Variants in FLI1 observed in about 807,000 individuals in gnomAD.
The protein encoded by FLI1 is Fli-1 proto-oncogene, ETS transcription factor.
In FLI1, 13 loss-of-function variants were observed where a neutral mutation model predicts 53.1. The ratio of observed to expected loss-of-function variants is 0.24; its 90% CI spans 0.16 to 0.39. The LOEUF is 0.39. Ranked by LOEUF, FLI1 falls within the 10% of genes least tolerant of loss-of-function variation. The probability of loss-of-function intolerance (pLI) is 1.00; values close to 1 mark genes in which losing one functional copy is unlikely to be tolerated. For missense variants in FLI1, 424 were observed against 600.5 expected (o/e 0.71, Z 3.07); for synonymous variants, 244 against 236.7 (o/e 1.03, Z -0.28).
intron 2 of FLI1, 115 bp downstream of exon 2, chr11:128,758,441 A>G: frequency 2.4e-6 from 2 of 819,084 alleles, no homozygotes; most frequent in East Asian, 2.7e-5. Flanking sequence ...GAGCTGGGCC[A>G]GGAAGCCTGT....
At chr11:128,686,363 A>G (rs749882406), upstream of FLI1, 4 of 456,130 alleles carry the variant, frequency 8.8e-6, no homozygotes, top group South Asian at 6.2e-5. Context: ...CGGGCAGGGG[A>G]GAGTAAAAGG....
intron 1 of FLI1, among the ~76,000 whole-genome samples, chr11:128,688,690 G>A (rs1937628283): frequency 6.6e-6 from 1 of 152,152 alleles, no homozygotes; most frequent in Admixed American, 6.5e-5. Flanking sequence ...GAGAGGTAAA[G>A]GAGGTAATTG....
At chr11:128,716,334 G>A (rs866410342) in intron 1 of FLI1, among the ~76,000 whole-genome samples, 3 of 152,182 alleles carry the variant, frequency 2.0e-5, no homozygotes, top group Non-Finnish European at 4.4e-5. Flanking sequence ...CAGGAGAGGG[G>A]CCCAGTTCCC....
chr11:128,748,501 T>TG (rs1280717914), intron 1 of FLI1, among the ~76,000 whole-genome samples: 1 of 152,006 alleles, frequency 6.6e-6, no homozygotes, highest in Non-Finnish European at 1.5e-5. Context: ...GGCGTGGTGG[T>TG]GGGCGCCTGT....
At chr11:128,691,073 C>T (rs1200069349), upstream of FLI1, among the ~76,000 whole-genome samples, 2 of 152,096 alleles carry the variant, frequency 1.3e-5, no homozygotes. Flanking sequence ...GGAGGTCTGC[C>T]CCACTAACAC....
intron 7 of FLI1, among the ~76,000 whole-genome samples, chr11:128,807,931 C>T (rs1942829029): frequency 1.3e-5 from 2 of 152,164 alleles, no homozygotes; most frequent in South Asian, 2.1e-4. Context: ...TGCCCAAGCC[C>T]CAGCTCCTCT....
chr11:128,716,231 G>T (rs1421272554), intron 1 of FLI1, among the ~76,000 whole-genome samples: 3 of 152,050 alleles, frequency 2.0e-5, no homozygotes, highest in Non-Finnish European at 2.9e-5. Flanking sequence ...TTAAATTCTG[G>T]ACCTCCTTCT....
At chr11:128,705,205 C>T (rs1474611768) in intron 1 of FLI1, among the ~76,000 whole-genome samples, 1 of 152,222 alleles carries the variant, frequency 6.6e-6, no homozygotes, top group Non-Finnish European at 1.5e-5. Flanking sequence ...TGACCACTAT[C>T]CACAGTCTGC....
intron 2 of FLI1, among the ~76,000 whole-genome samples, chr11:128,759,290 C>T (rs1247753761): frequency 6.6e-6 from 1 of 152,182 alleles, no homozygotes; most frequent in Non-Finnish European, 1.5e-5. Context: ...GCCATTTATT[C>T]CACAGCCAGA....
At chr11:128,731,356 G>A (rs1257942197) in intron 1 of FLI1, among the ~76,000 whole-genome samples, 1 of 152,204 alleles carries the variant, frequency 6.6e-6, no homozygotes, top group Non-Finnish European at 1.5e-5. Context: ...TTGCCTGGCT[G>A]CAGATAGATG....
intron 1 of FLI1, among the ~76,000 whole-genome samples, chr11:128,695,093 G>T (rs1309921628): frequency 1.3e-5 from 2 of 152,138 alleles, no homozygotes; most frequent in Non-Finnish European, 2.9e-5. Flanking sequence ...GCGTCCTTCG[G>T]AGCCGCCTCC....
chr11:128,686,053 T>G, upstream of FLI1: 1 of 307,940 alleles, frequency 3.2e-6, no homozygotes, highest in Non-Finnish European at 6.5e-6. Context: ...CAGACCTCCC[T>G]AACCTTGCGT....
chr11:128,715,487 C>CTGCTG (rs927156039), intron 1 of FLI1, among the ~76,000 whole-genome samples: 3 of 152,204 alleles, frequency 2.0e-5, no homozygotes, highest in African/African-American at 7.2e-5. Flanking sequence ...TGCAGAGCCC[C>CTGCTG]TGCTGTGCAA....
At chr11:128,685,266 C>A (rs989556902), upstream of FLI1, among the ~76,000 whole-genome samples, 10 of 152,216 alleles carry the variant, frequency 6.6e-5, no homozygotes, top group Admixed American at 5.9e-4. Context: ...TCCTCACTGG[C>A]TGGGTTCTGG....
At chr11:128,740,471 T>C (rs948238407) in intron 1 of FLI1, among the ~76,000 whole-genome samples, 3 of 152,238 alleles carry the variant, frequency 2.0e-5, no homozygotes, top group Non-Finnish European at 4.4e-5. Context: ...CAACCTTGTT[T>C]CTCCTAGGCT....
At chr11:128,804,643 CCTCTTCCCTTT>C (rs2053004975) in intron 5 of FLI1, 1 of 152,298 alleles carries the variant, frequency 6.6e-6, no homozygotes, top group African/African-American at 2.4e-5. Context: ...ACATTTCTGG[CCTCTTCCCTTT>C]CTCTGTGGTC....
chr11:128,749,390 G>A (rs1169929378), intron 1 of FLI1, among the ~76,000 whole-genome samples: 1 of 152,204 alleles, frequency 6.6e-6, no homozygotes, highest in African/African-American at 2.4e-5. Flanking sequence ...TTGACGCTGT[G>A]GTTGGCTGTG....
intron 1 of FLI1, among the ~76,000 whole-genome samples, chr11:128,738,124 C>T (rs1180832255): frequency 6.6e-6 from 1 of 152,162 alleles, no homozygotes; most frequent in African/African-American, 2.4e-5. Flanking sequence ...AGCAAACATT[C>T]TCCATGCTCC....
upstream of FLI1, among the ~76,000 whole-genome samples, chr11:128,691,511 AGTGGCACCAGTGCCAGT>A (rs1238771697): frequency 3.9e-5 from 6 of 152,060 alleles, no homozygotes; most frequent in East Asian, 1.2e-3. Context: ...CGCCAACAAC[AGTGGCACCAGTGCCAGT>A]CTGTGAGTCC....
Sources: allele counts gnomAD v4.1 joint callset (sites outside exome capture counted in the v4.1 genomes callset), GRCh38; gene constraint gnomAD v4.1.1; transcripts MANE v1.5; gene names NCBI Gene and HGNC (gene_info 2026-07-23, HGNC 2026-07-21).